N4BP1: variants seen among roughly 807,000 people sequenced by gnomAD.
N4BP1 encodes NEDD4 binding protein 1, also known as NEDD4-binding protein 1.
In N4BP1, 21 loss-of-function variants were observed where a neutral mutation model predicts 70.9. That is an observed-to-expected ratio of 0.30 (90% CI 0.21 to 0.43). The LOEUF is 0.43. Among genes scored for constraint, N4BP1 ranks in the 20% least tolerant of loss-of-function variants. The pLI is 1.00. For synonymous variants in N4BP1, 387 were observed against 394.6 expected, an observed-to-expected ratio of 0.98 and a Z score of 0.23; for missense variants, 936 against 1,069.4, an observed-to-expected ratio of 0.88 and a Z score of 1.74.
chr16:48,597,790 T>C (rs1318550764), intron 1 of N4BP1, among the ~76,000 whole-genome samples: 2 of 152,164 alleles, frequency 1.3e-5, no homozygotes, highest in African/African-American at 4.8e-5. Flanking sequence ...AATAAACCTC[T>C]TTCTCTACTG....
At chr16:48,587,816 T>C (rs1009952921) in intron 1 of N4BP1, among the ~76,000 whole-genome samples, 2 of 152,230 alleles carry the variant, frequency 1.3e-5, no homozygotes, top group African/African-American at 4.8e-5. Context: ...CTGGTGCCTA[T>C]CCTATGGTGC....
chr16:48,600,635 A>G (rs1485769711), intron 1 of N4BP1: 1 of 521,998 alleles, frequency 1.9e-6, no homozygotes, highest in Non-Finnish European at 3.7e-6. Flanking sequence ...GAATGTGGAC[A>G]TGGAAGATGC....
At chr16:48,562,532 C>A (rs528282997) in intron 1 of N4BP1, 88 bp from the exon 2 acceptor site, 4 of 1,032,896 alleles carry the variant, frequency 3.9e-6, no homozygotes, top group South Asian at 4.3e-5. Flanking sequence ...AATGTCAGGC[C>A]GATTTTATAA....
At chr16:48,582,025 G>C (rs574166341) in intron 1 of N4BP1, among the ~76,000 whole-genome samples, 1 of 152,086 alleles carries the variant, frequency 6.6e-6, no homozygotes, top group African/African-American at 2.4e-5. Flanking sequence ...TACAGAATGA[G>C]AGAAAATATT....
At chr16:48,550,383 T>C (rs1963648853) in intron 4 of N4BP1, among the ~76,000 whole-genome samples, 1 of 151,830 alleles carries the variant, frequency 6.6e-6, no homozygotes, top group South Asian at 2.1e-4. Context: ...CCTGTGGTGG[T>C]ACATGCCTGT....
chr16:48,610,004 G>A lies in N4BP1; in HGVS notation c.-32C>T. 1 of 1,116,682 alleles carries A rather than the reference G, an allele frequency of 9.0e-7. No individual in the cohort carries two copies. The highest frequency in any genetic ancestry group is 1.7e-5 in the African/African-American group (1 of 60,476). 69.2% of individuals were successfully genotyped at this position (1,116,682 alleles called of 1,614,324 possible). ...CGCGGCCTCCCGCGGCGGCGCCGGG[G>A]GCCGGCGGCGGCGACGCCCCCTCAG... is the stretch of plus-strand genomic sequence containing the variant. On this transcript the variant is annotated 5_prime_UTR_variant, in exon 1 of 7. Transcript: ENST00000262384.
chr16:48,542,857 G>C lies in N4BP1; in HGVS notation c.*47C>G. On this transcript the variant is annotated 3_prime_UTR_variant, in exon 7 of 7. Transcript: ENST00000262384. Reference sequence around the variant, plus strand: ...CCATCAGGTACAGGTGTGAGCTTGAGTTTGATCAGCCAGCCCTGAGCGCAA... The same window carrying C: ...CCATCAGGTACAGGTGTGAGCTTGACTTTGATCAGCCAGCCCTGAGCGCAA... 2.0e-6 allele frequency: 3 copies of C among 1,506,102 alleles called. No homozygotes were observed. The highest frequency in any genetic ancestry group is 9.0e-7 in the Non-Finnish European group (1 of 1,106,204). 93.3% of individuals were successfully genotyped at this position (1,506,102 alleles called of 1,614,324 possible). A position where few individuals can be genotyped will look rare whatever the true frequency, so the allele number is the denominator to read the frequency against.
chr16:48,600,151 T>A, intron 1 of N4BP1: 1 of 488,700 alleles, frequency 2.0e-6, no homozygotes, highest in Non-Finnish European at 3.7e-6. Context: ...TGGTGACCCA[T>A]GCAGGTTTAA....
Position 48,561,320 on chromosome 16 carries a change from T to A in N4BP1, c.1323A>T (p.Lys441Asn), listed in dbSNP as rs556981007. 7 of 1,613,682 alleles carry A rather than the reference T, an allele frequency of 4.3e-6. No homozygotes were observed. The highest frequency in any genetic ancestry group is 2.2e-5 in the East Asian group (1 of 44,886). The stretch of plus-strand genomic sequence containing the variant: ...CCACTTTGAATGGTAACTGAGAAAA[T>A]TTTTCTACCATATTTTGCTGTGTGT... Reference protein sequence around the residue: ...QAHTQQNMVEKFSQLPFKVEA... With the variant: ...QAHTQQNMVENFSQLPFKVEA... The change falls in exon 2 of 7, where the codon AAA becomes AAT. Residue 441 changes from lysine to asparagine, a missense_variant. By Grantham distance (94) the Lys-to-Asn change is moderately conservative. Coordinates refer to ENST00000262384, the MANE Select transcript of N4BP1 (RefSeq NM_153029.4).
At chr16:48,600,987 A>G (rs1964489131) in intron 1 of N4BP1, among the ~76,000 whole-genome samples, 1 of 152,254 alleles carries the variant, frequency 6.6e-6, no homozygotes, top group South Asian at 2.1e-4. Context: ...ATATAAAATA[A>G]AATATTATTT....
chr16:48,595,499 C>G lies in N4BP1; in HGVS notation c.198+14276G>C, dbSNP rs564670503. On this transcript the variant is annotated intron_variant, in intron 1 of 6. Transcript: ENST00000262384. ...AAAAAAGAAAGAAAACTTTCTTTTG[C>G]ACTATTTACAGCTTTTAACAACTCA... 2.1e-5 allele frequency among the ~76,000 whole-genome samples: 3 copies of G among 144,362 alleles called. No homozygotes were observed. The East Asian group carries it at 6.0e-4, about 29-fold the overall frequency. 94.7% of individuals were successfully genotyped at this position (144,362 alleles called of 152,430 possible).
Position 48,562,046 on chromosome 16 carries a change from T to C in N4BP1, c.597A>G (p.Thr199=). 5.0e-6 allele frequency: 8 copies of C among 1,613,908 alleles called. No individual in the cohort carries two copies. Among genetic ancestry groups the C allele is most frequent in the Non-Finnish European group, 6.8e-6 (8 of 1,179,880 alleles). The part of the protein sequence containing the change: ...LTQGEENLFE[T]GDDEVIEMRD... ...TCATTTCAATAACCTCATCATCTCC[T>C]GTTTCAAAGAGATTCTCCTCACCTT... Residue 199 remains threonine, a synonymous_variant, in exon 2 of 7, where the codon ACA becomes ACG. Coordinates refer to ENST00000262384, the MANE Select transcript of N4BP1 (RefSeq NM_153029.4).
intron 1 of N4BP1, among the ~76,000 whole-genome samples, chr16:48,601,330 T>C (rs533947874): frequency 2.6e-5 from 4 of 152,378 alleles, no homozygotes; most frequent in African/African-American, 9.6e-5. Context: ...ATTTTTCTAG[T>C]CTGGCAATGA....
chr16:48,571,255 G>A (rs1567435507), intron 1 of N4BP1, among the ~76,000 whole-genome samples: 2 of 152,114 alleles, frequency 1.3e-5, no homozygotes, highest in Non-Finnish European at 1.5e-5. Context: ...TATCTCCTCC[G>A]TGGGCCACCA....
rs114262939 is a variant in N4BP1 at position 48,589,536 on chromosome 16, A to G, written c.198+20239T>C. Among the ~76,000 whole-genome samples, 849 of 152,202 alleles carry G rather than the reference A, an allele frequency of 5.6e-3. 5 individuals are homozygous for G. The highest frequency in any genetic ancestry group is 0.018 in the African/African-American group (766 of 41,514). On this transcript the variant is annotated intron_variant, in intron 1 of 6. Transcript: ENST00000262384. ...AGCCCTTTCCCTCATACCTTGCCCTATGCATCGCTTCATCTATAACCTTTG... is the reference window on the plus strand; with the variant it reads ...AGCCCTTTCCCTCATACCTTGCCCTGTGCATCGCTTCATCTATAACCTTTG...
chr16:48,547,996 G>A lies in N4BP1; in HGVS notation c.2225+11C>T. 6.7e-7 allele frequency: 1 copy of A among 1,490,666 alleles called. No homozygotes were observed. The highest frequency in any genetic ancestry group is 9.3e-7 in the Non-Finnish European group (1 of 1,074,540). 92.3% of individuals were successfully genotyped at this position (1,490,666 alleles called of 1,614,324 possible). The stretch of plus-strand genomic sequence containing the variant: ...AACTTTTCTGACCAAAGACAAAGAA[G>A]AAAATATTACCTTTTTGTAATAATT... On this transcript the variant is annotated intron_variant, in intron 5 of 6. Coordinates refer to ENST00000262384, the MANE Select transcript of N4BP1 (RefSeq NM_153029.4).
At chr16:48,572,223 G>GAAC (rs1964029271) in intron 1 of N4BP1, among the ~76,000 whole-genome samples, 1 of 152,070 alleles carries the variant, frequency 6.6e-6, no homozygotes, top group Admixed American at 6.6e-5. Context: ...AAATACATAA[G>GAAC]AACTCAAGCA....
chr16:48,543,423 C>T (rs1262444138), intron 6 of N4BP1, among the ~76,000 whole-genome samples, 162 bp from the exon 7 acceptor site: 1 of 152,136 alleles, frequency 6.6e-6, no homozygotes, highest in East Asian at 1.9e-4. Context: ...CCATGAGACA[C>T]CCACAGAGGA....
In N4BP1 at chr16:48,574,608, G is replaced by A. The variant is rs76073725; in HGVS notation, c.199-12164C>T. ...GACCAGTGAACAACCTTAATTTTTTGTCATTTTTTAAATGACAATCACAAA... is the reference window on the plus strand; with the variant it reads ...GACCAGTGAACAACCTTAATTTTTTATCATTTTTTAAATGACAATCACAAA... On this transcript the variant is annotated intron_variant, in intron 1 of 6. Coordinates refer to ENST00000262384, the MANE Select transcript of N4BP1 (RefSeq NM_153029.4). 7.4e-3 allele frequency among the ~76,000 whole-genome samples: 1,133 copies of A among 152,144 alleles called. 10 individuals are homozygous for A. Among genetic ancestry groups the A allele is most frequent in the African/African-American group, 0.025 (1,038 of 41,514 alleles).
Sources: allele counts gnomAD v4.1 joint callset (sites outside exome capture counted in the v4.1 genomes callset), GRCh38; gene constraint gnomAD v4.1.1; transcripts MANE v1.5; gene names NCBI Gene and HGNC (gene_info 2026-07-23, HGNC 2026-07-21).